The following NUP160 variants were observed in gnomAD, a reference collection of about 807,000 sequenced individuals.
NUP160 encodes nucleoporin 160, also known as nuclear pore complex protein Nup160.
NUP160 carries 94 observed loss-of-function variants against 196.9 expected under a neutral mutation model. That is an observed-to-expected ratio of 0.48 (90% CI 0.40 to 0.57). The LOEUF (loss-of-function observed/expected upper bound fraction) is 0.57. Ranked by LOEUF, NUP160 falls within the 20% of genes least tolerant of loss-of-function variation. The pLI is 0.00. For synonymous variants in NUP160, 605 were observed against 619.7 expected (o/e 0.98, Z 0.35); for missense variants, 1,638 against 1,748.3 (o/e 0.94, Z 1.13).
At chr11:47,792,284 T>G in intron 28 of NUP160, 1 of 318,170 alleles carries the variant, frequency 3.1e-6, no homozygotes. Flanking sequence ...AACAGCTGCA[T>G]GTATCTGACC....
intron 27 of NUP160, 112 bp from the exon 28 acceptor site, chr11:47,793,058 C>G (rs538479796): frequency 1.3e-4 from 100 of 799,468 alleles, no homozygotes; most frequent in Admixed American, 1.2e-3. Flanking sequence ...TTGATCTCAG[C>G]TCACTGCAAC....
intron 10 of NUP160, among the ~76,000 whole-genome samples, chr11:47,818,714 C>T (rs1282248624): frequency 1.3e-5 from 2 of 152,126 alleles, no homozygotes; most frequent in African/African-American, 4.8e-5. Flanking sequence ...AGTTTCCTTC[C>T]TTCTACTGAG....
rs931113611 is a variant in NUP160, at chr11:47,808,270, G to A, written c.2375+126C>T. ...CACTCCGGCCTGGGTGAGAGAGAGC[G>A]AGACTCTGTCTCAAAACAAAAACAA... On this transcript the variant is annotated intron_variant, in intron 18 of 35. Coordinates refer to ENST00000378460, the Ensembl canonical transcript of NUP160. The A allele has an allele frequency of 3.1e-5, 26 of 840,604 alleles. No individual in the cohort carries two copies. The Admixed American group carries it at 4.5e-4, about 15-fold the overall frequency. 52.1% of individuals were successfully genotyped at this position (840,604 alleles called of 1,614,324 possible).
In NUP160 at chr11:47,808,534, A is replaced by G; in HGVS notation, c.2242-5T>C. 1 of 1,612,028 alleles carries G rather than the reference A, an allele frequency of 6.2e-7. No homozygotes were observed. Reference sequence around the variant, plus strand: ...CTGACCAGTTCCCCAAATCACCTATACATTATGGGTAGGTGGACCAGACAA... The same window carrying G: ...CTGACCAGTTCCCCAAATCACCTATGCATTATGGGTAGGTGGACCAGACAA... On this transcript the variant is annotated splice_polypyrimidine_tract_variant and splice_region_variant and intron_variant, in intron 17 of 35. Coordinates refer to ENST00000378460, the Ensembl canonical transcript of NUP160.
intron 17 of NUP160, among the ~76,000 whole-genome samples, chr11:47,810,276 C>T (rs1013962565): frequency 1.6e-4 from 24 of 152,028 alleles, no homozygotes; most frequent in African/African-American, 5.8e-4. Flanking sequence ...CAGCTCACTG[C>T]AGCCTCAACC....
intron 12 of NUP160, 119 bp from the exon 13 acceptor site, chr11:47,815,768 G>A (rs555415561): frequency 7.0e-5 from 67 of 961,894 alleles, no homozygotes; most frequent in African/African-American, 6.5e-4. Flanking sequence ...TATTCCTTAC[G>A]TATTAAAGGC....
At chr11:47,788,554 G>A in exon 30 of NUP160, 1 of 1,614,040 alleles carries the variant, frequency 6.2e-7, no homozygotes, top group Non-Finnish European at 8.5e-7. Context: ...GCGGATGCGA[G>A]CCAAGGAACA....
intron 27 of NUP160, among the ~76,000 whole-genome samples, chr11:47,795,323 A>C (rs1156808640): frequency 1.3e-5 from 2 of 152,158 alleles, no homozygotes; most frequent in African/African-American, 2.4e-5. Flanking sequence ...CTCTAGAAAA[A>C]CCTGAACATT....
At position 47,836,990 on chromosome 11, in the gene NUP160, G is replaced by T; in HGVS notation, c.839C>A (p.Ser280Ter). Residue 280 changes from serine to a stop codon, truncating the protein, a stop_gained, in exon 6 of 36, where the codon TCG (serine) becomes TAG (stop). Transcript: ENST00000378460. LOFTEE classifies it high-confidence loss of function. ...AAGACTGAGGGGACGATCTGAAGGC[G>T]ACTGGTCACCCCTAAAACATAAGAC... 6.2e-7 allele frequency: 1 copy of T among 1,610,310 alleles called. No individual in the cohort carries two copies. The highest frequency in any genetic ancestry group is 8.5e-7 in the Non-Finnish European group (1 of 1,176,728).
chr11:47,829,452 C>T (rs111651411), intron 7 of NUP160, among the ~76,000 whole-genome samples: 30,082 of 151,980 alleles, frequency 0.2, 3,374 homozygotes, highest in East Asian at 0.31. Context: ...ATTACAGGCA[C>T]GTGCCACCAT....
chr11:47,818,037 G>C lies in NUP160; in HGVS notation c.1431+19C>G. The C allele has an allele frequency of 6.5e-7, 1 of 1,528,844 alleles. No individual in the cohort carries two copies. Among genetic ancestry groups the C allele is most frequent in the Non-Finnish European group, 9.0e-7 (1 of 1,109,144 alleles). 94.7% of individuals were successfully genotyped at this position (1,528,844 alleles called of 1,614,324 possible). A position where few individuals can be genotyped will look rare whatever the true frequency, so the allele number is the denominator to read the frequency against. On this transcript the variant is annotated intron_variant, in intron 11 of 35. Transcript: ENST00000378460. ...AATAAGAAATAGTCTTAAACAAACA[G>C]TAAATTTTTTTTGCTGACCTGTAAA...
intron 10 of NUP160, among the ~76,000 whole-genome samples, chr11:47,818,999 T>C (rs1401948348): frequency 1.3e-5 from 2 of 152,058 alleles, no homozygotes; most frequent in Non-Finnish European, 2.9e-5. Flanking sequence ...TTTTTATTTA[T>C]CCTGAGGGTG....
At chr11:47,814,024 T>C (rs1297719269) in intron 13 of NUP160, among the ~76,000 whole-genome samples, 1 of 133,902 alleles carries the variant, frequency 7.5e-6, no homozygotes. Context: ...TGTGTTGAGA[T>C]CGTGCCACTG....
chr11:47,800,014 G>C (rs2097673225), intron 23 of NUP160, among the ~76,000 whole-genome samples: 1 of 152,186 alleles, frequency 6.6e-6, no homozygotes, highest in African/African-American at 2.4e-5. Flanking sequence ...AGCACTTTGG[G>C]AGGCCGAGGC....
At chr11:47,792,569 G>T in intron 28 of NUP160, 1 of 462,410 alleles carries the variant, frequency 2.2e-6, no homozygotes. Flanking sequence ...AAACCACTCT[G>T]CAATATTTCT....
chr11:47,799,552 T>C (rs967983173), intron 23 of NUP160, among the ~76,000 whole-genome samples: 10 of 152,136 alleles, frequency 6.6e-5, no homozygotes, highest in Non-Finnish European at 1.3e-4. Flanking sequence ...AAATTATTTT[T>C]ATTAATTTTT....
intron 8 of NUP160, 75 bp downstream of exon 8, chr11:47,822,012 A>C: frequency 1.8e-6 from 2 of 1,088,196 alleles, no homozygotes; most frequent in South Asian, 1.4e-5. Flanking sequence ...CTACAATCCC[A>C]TTATACCATA....
At chr11:47,840,625 CT>C (rs765392368) in intron 2 of NUP160, 37 bp from the exon 3 acceptor site, 1 of 1,451,180 alleles carries the variant, frequency 6.9e-7, no homozygotes, top group South Asian at 1.3e-5. Flanking sequence ...AAAGTTTATG[CT>C]TTTCTCACTG....
At chr11:47,802,387 T>C (rs1388222979) in intron 22 of NUP160, among the ~76,000 whole-genome samples, 6 of 152,008 alleles carry the variant, frequency 3.9e-5, no homozygotes, top group Non-Finnish European at 7.4e-5. Flanking sequence ...GCTAAGATCA[T>C]GCCACTGCAG....
Sources: gnomAD v4.1 joint callset for allele counts (sites outside exome capture counted in the v4.1 genomes callset) on GRCh38, gnomAD v4.1.1 for gene constraint, MANE v1.5 for transcripts, NCBI Gene and HGNC (gene_info 2026-07-23, HGNC 2026-07-21) for gene names.